Variants in MEP1A observed in about 807,000 individuals in gnomAD.
The protein encoded by MEP1A is meprin A subunit alpha.
A neutral mutation model predicts 84.5 loss-of-function variants in MEP1A; 68 were observed. The ratio of observed to expected loss-of-function variants is 0.80; its 90% CI spans 0.66 to 0.98. The LOEUF is 0.98. Among genes scored for constraint, MEP1A ranks in the 50% least tolerant of loss-of-function variants. The probability of loss-of-function intolerance (pLI) is 0.00; values close to 1 mark genes in which losing one functional copy is unlikely to be tolerated. For synonymous variants in MEP1A, 337 were observed against 336.8 expected (o/e 1.00, Z -0.01); for missense variants, 887 against 919.9 (o/e 0.96, Z 0.46).
chr6:46,824,336 T>A (rs1298725957), intron 7 of MEP1A, among the ~76,000 whole-genome samples: 1 of 150,808 alleles, frequency 6.6e-6, no homozygotes, highest in Non-Finnish European at 1.5e-5. Context: ...GTACATGTAT[T>A]TAGTCATTTC....
At position 46,835,403 on chromosome 6, in the gene MEP1A, G is replaced by A. The variant is rs1159720303; in HGVS notation, c.1938G>A (p.Gly646=). ...EEALPVSLSQ[G]QPSRQKRSVE... ...CCCTACCTGTCAGCCTGAGCCAGGGGCAGCCCAGCCGACAGAAGCGGTCGG... is the reference window on the plus strand; with the variant it reads ...CCCTACCTGTCAGCCTGAGCCAGGGACAGCCCAGCCGACAGAAGCGGTCGG... The change falls in exon 13 of 14, where the codon GGG becomes GGA. Residue 646 remains glycine, a synonymous_variant. Coordinates refer to ENST00000230588, the MANE Select transcript of MEP1A (RefSeq NM_005588.3). 3 of 1,612,192 alleles carry A rather than the reference G, an allele frequency of 1.9e-6. No individual in the cohort carries two copies. The highest frequency in any genetic ancestry group is 2.7e-5 in the African/African-American group (2 of 74,906).
intron 9 of MEP1A, among the ~76,000 whole-genome samples, chr6:46,828,732 T>G (rs563941419): frequency 1.5e-4 from 23 of 152,320 alleles, no homozygotes; most frequent in Admixed American, 1.4e-3. Context: ...CTGGCACTAA[T>G]GTAGACACTT....
intron 6 of MEP1A, among the ~76,000 whole-genome samples, chr6:46,815,508 C>T (rs1175669593): frequency 1.3e-5 from 2 of 152,168 alleles, no homozygotes; most frequent in Non-Finnish European, 2.9e-5. Flanking sequence ...GAACTTGTCC[C>T]GGACCACGAG....
chr6:46,793,704 G>C lies in MEP1A; in HGVS notation c.133G>C (p.Glu45Gln). 1 of 1,608,952 alleles carries C rather than the reference G, an allele frequency of 6.2e-7. No homozygotes were observed. Among genetic ancestry groups the C allele is most frequent in the Admixed American group, 1.7e-5 (1 of 59,896 alleles). ...ADFGEQKDIS[E>Q]INLAAGLDLF... ...TTTTGGTGAACAGAAGGATATTTCAGAAATCAATTTAGGTGAGTTCAATTT... is the reference window on the plus strand; with the variant it reads ...TTTTGGTGAACAGAAGGATATTTCACAAATCAATTTAGGTGAGTTCAATTT... The change falls in exon 3 of 14, where the codon GAA (glutamate) becomes CAA (glutamine). Residue 45 changes from glutamate (E) to glutamine (Q), a missense_variant. Transcript: ENST00000230588.
chr6:46,810,392 G>A (rs940777925), intron 6 of MEP1A, among the ~76,000 whole-genome samples: 2 of 151,994 alleles, frequency 1.3e-5, no homozygotes, highest in South Asian at 4.1e-4. Flanking sequence ...TATACATTGT[G>A]AAAATTTTCT....
At chr6:46,839,949 G>T (rs1581693383), downstream of MEP1A, among the ~76,000 whole-genome samples, 1 of 151,200 alleles carries the variant, frequency 6.6e-6, no homozygotes, top group Non-Finnish European at 1.5e-5. Context: ...GAACTTTAAA[G>T]AAGTATTTTT....
chr6:46,828,236 GT>G (rs373814374), intron 9 of MEP1A, among the ~76,000 whole-genome samples: 6,428 of 142,582 alleles, frequency 0.045, 415 homozygotes, highest in African/African-American at 0.14. Flanking sequence ...CTTGTGCGCT[GT>G]TTTTTTTTTT....
In MEP1A at chr6:46,825,282, C is replaced by G. The variant is rs1301524284; in HGVS notation, c.567C>G (p.His189Gln). ...TTCTCTCCCTAACAGGTTACCAGCA[C>G]AACTTTGACACCTATGATGATAGCT... ...WWDQILSGYQ[H>Q]NFDTYDDSLI... The change falls in exon 8 of 14, where the codon CAC (histidine) becomes CAG (glutamine). Residue 189 changes from histidine (H) to glutamine (Q), a missense_variant. Coordinates refer to ENST00000230588, the MANE Select transcript of MEP1A (RefSeq NM_005588.3). The G allele has an allele frequency of 6.2e-7, 1 of 1,610,736 alleles. No individual in the cohort carries two copies. The highest frequency in any genetic ancestry group is 8.5e-7 in the Non-Finnish European group (1 of 1,178,058).
In MEP1A at chr6:46,811,245, T is replaced by C. The variant is rs149050432; in HGVS notation, c.380+1708T>C. Among the ~76,000 whole-genome samples, 26 of 152,134 alleles carry C rather than the reference T, an allele frequency of 1.7e-4. No homozygotes were observed. In the East Asian group the frequency reaches 3.1e-3, roughly 18 times the overall value. On this transcript the variant is annotated intron_variant, in intron 6 of 13. Transcript: ENST00000230588. ...TATTTTGCAGCTATTGTGAAATGGG[T>C]TGAGTTCTTGATTTGATTCTTAGCT...
At chr6:46,796,205 G>A (rs766058065) in intron 3 of MEP1A, among the ~76,000 whole-genome samples, 1 of 152,078 alleles carries the variant, frequency 6.6e-6, no homozygotes, top group Non-Finnish European at 1.5e-5. Context: ...CAACGGTGGG[G>A]GCTCATCAAC....
At chr6:46,822,663 C>G (rs1327393268) in intron 7 of MEP1A, among the ~76,000 whole-genome samples, 2 of 152,054 alleles carry the variant, frequency 1.3e-5, no homozygotes, top group Admixed American at 1.3e-4. Context: ...CATGCCTCAG[C>G]CTCCTGAATA....
At chr6:46,831,948 A>G (rs1768086969) in intron 10 of MEP1A, among the ~76,000 whole-genome samples, 1 of 152,128 alleles carries the variant, frequency 6.6e-6, no homozygotes, top group African/African-American at 2.4e-5. Context: ...CTGTGTTCCC[A>G]TGTAACCTAA....
the MEP1A span, among the ~76,000 whole-genome samples, chr6:46,845,497 C>T: frequency 6.6e-6 from 1 of 152,340 alleles, no homozygotes; most frequent in East Asian, 1.9e-4. Flanking sequence ...ACGTCTGGTA[C>T]TCACAGAAAA....
At chr6:46,840,542 GA>G (rs1562120578), downstream of MEP1A, among the ~76,000 whole-genome samples, 1 of 152,200 alleles carries the variant, frequency 6.6e-6, no homozygotes, top group Non-Finnish European at 1.5e-5. Context: ...CTAGTGGATA[GA>G]AAACAGGTCT....
At chr6:46,840,489 C>A (rs1768313453), downstream of MEP1A, among the ~76,000 whole-genome samples, 1 of 152,130 alleles carries the variant, frequency 6.6e-6, no homozygotes. Flanking sequence ...GCTACTGACT[C>A]CCCCACAACC....
chr6:46,834,128 G>A (rs141296558), intron 11 of MEP1A, among the ~76,000 whole-genome samples: 1,841 of 152,004 alleles, frequency 0.012, 44 homozygotes, highest in African/African-American at 0.042. Context: ...TCACCGTGTT[G>A]CCCAGGCTGG....
intron 9 of MEP1A, among the ~76,000 whole-genome samples, chr6:46,828,409 G>C (rs151043129): frequency 5.8e-4 from 89 of 152,212 alleles, no homozygotes; most frequent in Non-Finnish European, 1.1e-3. Flanking sequence ...ATCATTGCTT[G>C]CTGCTGATAT....
At chr6:46,803,050 CTT>C (rs951702838) in intron 5 of MEP1A, among the ~76,000 whole-genome samples, 1 of 151,454 alleles carries the variant, frequency 6.6e-6, no homozygotes, top group African/African-American at 2.4e-5. Flanking sequence ...AATTTTTCCT[CTT>C]CTTTTATCTT....
Position 46,835,537 on chromosome 6 carries a change from T to C in MEP1A, c.2072T>C (p.Met691Thr). Reference protein sequence around the residue: ...NDGICVNVKGMASCRCISGHA... With the variant: ...NDGICVNVKGTASCRCISGHA... Reference sequence around the variant, plus strand: ...GGCATCTGTGTGAACGTGAAGGGGATGGCGAGCTGCAGGTAGGCTCTGTGG... The same window carrying C: ...GGCATCTGTGTGAACGTGAAGGGGACGGCGAGCTGCAGGTAGGCTCTGTGG... Residue 691 changes from methionine to threonine, a missense_variant, in exon 13 of 14, where the codon ATG (methionine) becomes ACG (threonine). Physicochemically the swap from Met to Thr is moderately conservative, Grantham distance 81. Transcript: ENST00000230588. 1.2e-6 allele frequency: 2 copies of C among 1,613,500 alleles called. No homozygotes were observed. The highest frequency in any genetic ancestry group is 2.2e-5 in the East Asian group (1 of 44,870).
Sources: gnomAD v4.1 joint callset for allele counts (sites outside exome capture counted in the v4.1 genomes callset) on GRCh38, gnomAD v4.1.1 for gene constraint, MANE v1.5 for transcripts, NCBI Gene and HGNC (gene_info 2026-07-23, HGNC 2026-07-21) for gene names.